Variants in PHC3 observed in about 807,000 individuals in gnomAD.
PHC3 encodes polyhomeotic homolog 3.
PHC3 carries 13 observed loss-of-function variants against 107.4 expected under a neutral mutation model. The observed-to-expected ratio is 0.12, with a 90% CI of 0.08 to 0.19. The LOEUF (loss-of-function observed/expected upper bound fraction) is 0.19. Ranked by LOEUF, PHC3 falls within the 10% of genes least tolerant of loss-of-function variation. The probability of loss-of-function intolerance (pLI) is 1.00; values close to 1 mark genes in which losing one functional copy is unlikely to be tolerated. For synonymous variants in PHC3, 456 were observed against 427.4 expected (o/e 1.07, Z -0.83); for missense variants, 992 against 1,210.9 (o/e 0.82, Z 2.68).
chr3:170,175,579 A>C (rs772869816), intron 2 of PHC3, among the ~76,000 whole-genome samples: 1 of 149,556 alleles, frequency 6.7e-6, no homozygotes, highest in South Asian at 2.1e-4. Context: ...GTGAGTTGTG[A>C]TCATGCCACT....
chr3:170,176,902 C>G (rs930781110), intron 2 of PHC3: 1 of 455,818 alleles, frequency 2.2e-6, no homozygotes, highest in Non-Finnish European at 4.4e-6. Context: ...GGGATTATGT[C>G]TCATACCCAA....
chr3:170,154,811 G>T (rs73879176), intron 4 of PHC3, among the ~76,000 whole-genome samples: 182 of 152,282 alleles, frequency 1.2e-3, no homozygotes, highest in African/African-American at 4.0e-3. Context: ...AGCCACCTCT[G>T]CAAGAAGTCC....
At chr3:170,137,020 T>C (rs542069389) in intron 6 of PHC3, among the ~76,000 whole-genome samples, 114 of 151,856 alleles carry the variant, frequency 7.5e-4, no homozygotes, top group African/African-American at 2.6e-3. Context: ...ATACAGACAG[T>C]GTGTGTATTA....
chr3:170,137,316 T>C (rs1425074614), intron 6 of PHC3, among the ~76,000 whole-genome samples: 1 of 152,122 alleles, frequency 6.6e-6, no homozygotes, highest in Admixed American at 6.5e-5. Flanking sequence ...TGGTGGCTCC[T>C]GCTACACTCA....
At chr3:170,105,511 GTTAT>G (rs1463889754) in intron 12 of PHC3, among the ~76,000 whole-genome samples, 14 of 151,966 alleles carry the variant, frequency 9.2e-5, no homozygotes, top group Non-Finnish European at 1.0e-4. Context: ...TGAGGTTAAG[GTTAT>G]TTATTTTTTA....
At chr3:170,181,374 G>A (rs1230553280) in intron 1 of PHC3, among the ~76,000 whole-genome samples, 1 of 152,126 alleles carries the variant, frequency 6.6e-6, no homozygotes, top group African/African-American at 2.4e-5. Context: ...CCACTTGCAG[G>A]AATGACAGCG....
At chr3:170,138,696 A>G (rs1723549286) in intron 6 of PHC3, among the ~76,000 whole-genome samples, 2 of 147,340 alleles carry the variant, frequency 1.4e-5, no homozygotes, top group Non-Finnish European at 3.1e-5. Context: ...TCTCAAAAAA[A>G]AAAAAAAAAA....
intron 4 of PHC3, among the ~76,000 whole-genome samples, chr3:170,157,625 G>A (rs910045437): frequency 1.3e-5 from 2 of 152,092 alleles, no homozygotes; most frequent in African/African-American, 4.8e-5. Context: ...AGATAATAGA[G>A]GATGAGGACA....
chr3:170,109,076 T>G (rs1181673294), intron 11 of PHC3, among the ~76,000 whole-genome samples: 1 of 152,202 alleles, frequency 6.6e-6, no homozygotes, highest in Admixed American at 6.5e-5. Flanking sequence ...TTTTAACAAA[T>G]TTGGTAATAT....
At chr3:170,155,062 C>A (rs922136923) in intron 4 of PHC3, among the ~76,000 whole-genome samples, 22 of 152,200 alleles carry the variant, frequency 1.4e-4, no homozygotes, top group African/African-American at 5.3e-4. Flanking sequence ...CCGATTACTG[C>A]AAGCTGTCTC....
chr3:170,118,020 A>G (rs1210888811), intron 9 of PHC3, among the ~76,000 whole-genome samples: 1 of 152,222 alleles, frequency 6.6e-6, no homozygotes, highest in Non-Finnish European at 1.5e-5. Context: ...TCTCAAAAAA[A>G]AAGCAAAATT....
rs1724997338 is a variant in PHC3 at position 170,146,567 on chromosome 3, CT to C, written c.574-1047del. 3.1e-5 allele frequency among the ~76,000 whole-genome samples: 4 copies of C among 130,590 alleles called. No individual in the cohort carries two copies. The Admixed American group carries it at 3.5e-4, about 12-fold the overall frequency. 85.7% of individuals were successfully genotyped at this position (130,590 alleles called of 152,430 possible). On this transcript the variant is annotated intron_variant, in intron 5 of 14. Transcript: ENST00000495893. The stretch of plus-strand genomic sequence containing the variant: ...TTTTTTTTTTGGTGAGACAGAGTCT[CT>C]GTCACCCAGGCTAGAGTGCAGTCAT...
chr3:170,171,734 TC>T (rs1470266159), intron 3 of PHC3, among the ~76,000 whole-genome samples: 1 of 152,196 alleles, frequency 6.6e-6, no homozygotes, highest in Non-Finnish European at 1.5e-5. Flanking sequence ...GAATCACTAC[TC>T]CAGAGTTATG....
intron 4 of PHC3, among the ~76,000 whole-genome samples, chr3:170,159,411 A>G (rs1198781853): frequency 6.6e-6 from 1 of 152,130 alleles, no homozygotes; most frequent in Non-Finnish European, 1.5e-5. Context: ...AAATTTTTTA[A>G]AAGTCAAAGA....
chr3:170,179,073 G>C (rs949106866), intron 1 of PHC3, 135 bp from the exon 2 acceptor site: 1 of 785,800 alleles, frequency 1.3e-6, no homozygotes, highest in African/African-American at 1.7e-5. Context: ...CCAACACACA[G>C]TCACTATAAG....
At chr3:170,098,226 G>C (rs1714902310) in intron 14 of PHC3, among the ~76,000 whole-genome samples, 1 of 151,898 alleles carries the variant, frequency 6.6e-6, no homozygotes, top group Non-Finnish European at 1.5e-5. Flanking sequence ...ACCCATTAAG[G>C]GTAAAGAAAC....
chr3:170,174,784 ATGGGAGCTTTTGACCTCTACC>A (rs1730158815), intron 2 of PHC3, among the ~76,000 whole-genome samples: 1 of 152,174 alleles, frequency 6.6e-6, no homozygotes, highest in African/African-American at 2.4e-5. Context: ...CACAAAATCA[ATGGGAGCTTTTGACCTCTACC>A]TGCAGGGGAC....
In PHC3 at chr3:170,089,070, G is replaced by C. The variant is rs1713802844; in HGVS notation, c.*8160C>G. 6.6e-6 allele frequency: 1 copy of C among 152,238 alleles called. No individual in the cohort carries two copies. The highest frequency in any genetic ancestry group is 1.9e-4 in the East Asian group (1 of 5,208). The allele number at this position is 152,238 out of a possible 1,614,324, so 9.4% of individuals were successfully genotyped here. A position where few individuals can be genotyped will look rare whatever the true frequency, so the allele number is the denominator to read the frequency against. ...TAATCCCAGCTACTTGGGAGGCCAAGGTGGGAGAATCTATTGAACCTGGGA... is the reference window on the plus strand; with the variant it reads ...TAATCCCAGCTACTTGGGAGGCCAACGTGGGAGAATCTATTGAACCTGGGA... On this transcript the variant is annotated 3_prime_UTR_variant, in exon 15 of 15. Coordinates refer to ENST00000495893, the MANE Select transcript of PHC3 (RefSeq NM_024947.4).
chr3:170,158,352 C>T (rs1425874078), intron 4 of PHC3, among the ~76,000 whole-genome samples: 2 of 151,628 alleles, frequency 1.3e-5, no homozygotes, highest in Non-Finnish European at 2.9e-5. Context: ...GACAGAGACT[C>T]CATCTCAACA....
Sources: gnomAD v4.1 joint callset for allele counts (sites outside exome capture counted in the v4.1 genomes callset) on GRCh38, gnomAD v4.1.1 for gene constraint, MANE v1.5 for transcripts, NCBI Gene and HGNC (gene_info 2026-07-23, HGNC 2026-07-21) for gene names.